Variants in PLXDC2 observed in about 807,000 individuals in gnomAD.
The protein encoded by PLXDC2 is plexin domain containing 2.
PLXDC2 carries 40 observed loss-of-function variants against 68.9 expected under a neutral mutation model. The ratio of observed to expected loss-of-function variants is 0.58; its 90% CI spans 0.45 to 0.76. The LOEUF (loss-of-function observed/expected upper bound fraction) is 0.76. Ranked by LOEUF, PLXDC2 falls within the 30% of genes least tolerant of loss-of-function variation. The pLI, the probability that PLXDC2 is intolerant of heterozygous loss-of-function variation, is 0.00. For missense variants in PLXDC2, 644 were observed against 661.9 expected (o/e 0.97, Z 0.30); for synonymous variants, 243 against 234.2 (o/e 1.04, Z -0.34).
At chr10:19,821,012 G>A (rs921522256) in intron 1 of PLXDC2, among the ~76,000 whole-genome samples, 1 of 152,106 alleles carries the variant, frequency 6.6e-6, no homozygotes, top group African/African-American at 2.4e-5. Context: ...CCCAGGAGGC[G>A]GAGATAGCAG....
chr10:19,975,766 G>A (rs994688702), intron 1 of PLXDC2, among the ~76,000 whole-genome samples: 4 of 151,990 alleles, frequency 2.6e-5, no homozygotes, highest in African/African-American at 4.8e-5. Flanking sequence ...GAATATTTTG[G>A]ACTGAGATGG....
intron 9 of PLXDC2, among the ~76,000 whole-genome samples, chr10:20,192,833 A>T (rs184923262): frequency 1.4e-3 from 208 of 152,220 alleles, no homozygotes; most frequent in African/African-American, 4.7e-3. Context: ...ATGCATTTGT[A>T]ATAGGAGACA....
chr10:19,886,301 C>G (rs1837845007), intron 1 of PLXDC2, among the ~76,000 whole-genome samples: 1 of 152,146 alleles, frequency 6.6e-6, no homozygotes, highest in Non-Finnish European at 1.5e-5. Context: ...CGTCTGCAAA[C>G]AGGGACAATT....
At chr10:20,043,529 T>A (rs902106046) in intron 2 of PLXDC2, 1 of 152,170 alleles carries the variant, frequency 6.6e-6, no homozygotes, top group Admixed American at 6.6e-5. Flanking sequence ...ATTTTATAAA[T>A]GCTGATTTCA....
intron 12 of PLXDC2, among the ~76,000 whole-genome samples, chr10:20,220,613 GA>G (rs1835197115): frequency 6.6e-6 from 1 of 151,650 alleles, no homozygotes; most frequent in African/African-American, 2.4e-5. Flanking sequence ...AGAGACTCTG[GA>G]AAAAAAAGTT....
intron 1 of PLXDC2, among the ~76,000 whole-genome samples, chr10:19,970,190 T>C (rs573381188): frequency 6.6e-6 from 1 of 152,344 alleles, no homozygotes; most frequent in East Asian, 1.9e-4. Context: ...CATTATTGGC[T>C]TTGGTCAAGG....
intron 4 of PLXDC2, among the ~76,000 whole-genome samples, chr10:20,084,328 C>G (rs1158469176): frequency 6.6e-6 from 1 of 152,126 alleles, no homozygotes; most frequent in Non-Finnish European, 1.5e-5. Flanking sequence ...CTTAAATTCA[C>G]TTAAGTCACA....
chr10:20,021,244 C>T (rs542314809), intron 2 of PLXDC2, among the ~76,000 whole-genome samples: 3 of 151,874 alleles, frequency 2.0e-5, no homozygotes, highest in African/African-American at 7.2e-5. Flanking sequence ...TAGTTACTTC[C>T]ATTTTATTTT....
At chr10:20,174,079 G>A (rs979499717) in intron 7 of PLXDC2, among the ~76,000 whole-genome samples, 2 of 152,112 alleles carry the variant, frequency 1.3e-5, no homozygotes, top group Non-Finnish European at 2.9e-5. Context: ...ATTTCAAAGT[G>A]TAACATGAAA....
chr10:19,865,868 A>G (rs1056905444), intron 1 of PLXDC2, among the ~76,000 whole-genome samples: 1 of 152,194 alleles, frequency 6.6e-6, no homozygotes, highest in Non-Finnish European at 1.5e-5. Flanking sequence ...CTACAATATG[A>G]TGCCCTTAAA....
chr10:20,122,523 C>T (rs183810172), intron 4 of PLXDC2, among the ~76,000 whole-genome samples: 204 of 152,258 alleles, frequency 1.3e-3, no homozygotes, highest in African/African-American at 4.7e-3. Flanking sequence ...TTGGACAGTC[C>T]GATTTCCAGT....
chr10:20,118,251 G>A (rs10458694), intron 4 of PLXDC2, among the ~76,000 whole-genome samples: 50,990 of 151,864 alleles, frequency 0.34, 11,104 homozygotes, highest in African/African-American at 0.62. Flanking sequence ...TGTTCAAATC[G>A]TAGGGCATAT....
intron 4 of PLXDC2, among the ~76,000 whole-genome samples, chr10:20,091,459 T>C (rs1006161049): frequency 1.3e-5 from 2 of 152,202 alleles, no homozygotes; most frequent in Admixed American, 6.5e-5. Context: ...ATAGCTCATA[T>C]AGTTTTCTGA....
At chr10:20,274,880 AAAG>A (rs1024427438) in intron 13 of PLXDC2, among the ~76,000 whole-genome samples, 47 of 152,146 alleles carry the variant, frequency 3.1e-4, no homozygotes, top group Non-Finnish European at 6.0e-4. Context: ...AAAAAAAAAA[AAAG>A]CCATTAATTA....
chr10:20,012,931 A>G (rs1479426341), intron 2 of PLXDC2, among the ~76,000 whole-genome samples: 1 of 152,156 alleles, frequency 6.6e-6, no homozygotes, highest in African/African-American at 2.4e-5. Flanking sequence ...GTTATTTTCT[A>G]TATGTTATTT....
intron 1 of PLXDC2, among the ~76,000 whole-genome samples, chr10:19,866,425 C>A (rs142465781): frequency 6.6e-6 from 1 of 152,126 alleles, no homozygotes; most frequent in Non-Finnish European, 1.5e-5. Context: ...CGTGGGACAC[C>A]GCTGGCTAAA....
At chr10:19,923,088 A>G (rs902923290) in intron 1 of PLXDC2, among the ~76,000 whole-genome samples, 1 of 152,164 alleles carries the variant, frequency 6.6e-6, no homozygotes, top group South Asian at 2.1e-4. Flanking sequence ...CTCTTAAGTC[A>G]TTTTATAAGC....
At chr10:19,980,930 G>C (rs530054163) in intron 1 of PLXDC2, among the ~76,000 whole-genome samples, 2 of 152,264 alleles carry the variant, frequency 1.3e-5, no homozygotes, top group African/African-American at 4.8e-5. Context: ...CTTTGAGTTG[G>C]TCTTGATTAA....
intron 5 of PLXDC2, among the ~76,000 whole-genome samples, chr10:20,146,649 C>CT (rs1361991549): frequency 2.7e-5 from 4 of 150,448 alleles, no homozygotes; most frequent in African/African-American, 7.3e-5. Flanking sequence ...AGTTAAAAAA[C>CT]TTTTTTTTCT....
Sources: gnomAD v4.1 joint callset for allele counts (sites outside exome capture counted in the v4.1 genomes callset) on GRCh38, gnomAD v4.1.1 for gene constraint, MANE v1.5 for transcripts, NCBI Gene and HGNC (gene_info 2026-07-23, HGNC 2026-07-21) for gene names.